The following HEATR3 variants were observed in gnomAD, a reference collection of about 807,000 sequenced individuals.
HEATR3 encodes the protein HEAT repeat-containing protein 3.
In HEATR3, 56 loss-of-function variants were observed where a neutral mutation model predicts 72.8. The ratio of observed to expected loss-of-function variants is 0.77; its 90% CI spans 0.62 to 0.96. The LOEUF (loss-of-function observed/expected upper bound fraction) is 0.96. Among genes scored for constraint, HEATR3 ranks in the 40% least tolerant of loss-of-function variants. The pLI, the probability that HEATR3 is intolerant of heterozygous loss-of-function variation, is 0.00. For missense variants in HEATR3, 747 were observed against 831.4 expected (o/e 0.90, Z 1.25); for synonymous variants, 331 against 318.1 (o/e 1.04, Z -0.43).
intron 4 of HEATR3, among the ~76,000 whole-genome samples, chr16:50,072,404 A>G (rs2150597613): frequency 6.6e-6 from 1 of 152,366 alleles, no homozygotes; most frequent in East Asian, 1.9e-4. Context: ...TCCCATTGTG[A>G]TAGAAATAAA....
chr16:50,073,414 C>G (rs2036655825), intron 5 of HEATR3: 2 of 152,166 alleles, frequency 1.3e-5, no homozygotes, highest in Admixed American at 1.3e-4. Context: ...CCAGCTGTCC[C>G]TTTGTGGAAC....
At chr16:50,068,894 G>T in intron 3 of HEATR3, 27 bp downstream of exon 3, 4 of 1,548,648 alleles carry the variant, frequency 2.6e-6, no homozygotes, top group Non-Finnish European at 3.6e-6. Context: ...GTATCTTGAT[G>T]GTAGCTTTTG....
At chr16:50,087,185 T>C in intron 11 of HEATR3, among the ~76,000 whole-genome samples, 1 of 152,054 alleles carries the variant, frequency 6.6e-6, no homozygotes, top group African/African-American at 2.4e-5. Flanking sequence ...TGCGTGCGTG[T>C]GTGTAAGGCA....
intron 4 of HEATR3, among the ~76,000 whole-genome samples, chr16:50,071,045 G>C (rs565757589): frequency 1.3e-5 from 2 of 152,298 alleles, no homozygotes; most frequent in Non-Finnish European, 2.9e-5. Context: ...GGAAGTAGAT[G>C]CCTAAGAAGA....
At chr16:50,104,491 A>G (rs1837554123) in intron 14 of HEATR3, among the ~76,000 whole-genome samples, 1 of 152,162 alleles carries the variant, frequency 6.6e-6, no homozygotes, top group African/African-American at 2.4e-5. Flanking sequence ...CGGCCTCCCA[A>G]ACTGCTGGGA....
At chr16:50,090,230 T>C (rs553102878) in intron 11 of HEATR3, among the ~76,000 whole-genome samples, 1 of 152,064 alleles carries the variant, frequency 6.6e-6, no homozygotes, top group African/African-American at 2.4e-5. Context: ...GGTATCTTGC[T>C]TGCGCCTGTG....
intron 7 of HEATR3, 70 bp from the exon 8 acceptor site, chr16:50,083,867 A>G (rs927362032): frequency 7.1e-7 from 1 of 1,410,734 alleles, no homozygotes; most frequent in East Asian, 2.3e-5. Context: ...GGCTTTCACT[A>G]AGGAAATTCC....
intron 13 of HEATR3, 108 bp from the exon 14 acceptor site, chr16:50,102,151 C>G (rs954683406): frequency 3.6e-6 from 3 of 843,682 alleles, no homozygotes; most frequent in Non-Finnish European, 5.5e-6. Flanking sequence ...TAATTTTTCC[C>G]TGGCATTTGT....
intron 14 of HEATR3, among the ~76,000 whole-genome samples, chr16:50,103,461 A>G (rs915911038): frequency 6.6e-6 from 1 of 152,338 alleles, no homozygotes; most frequent in African/African-American, 2.4e-5. Context: ...TTAGCTGCAA[A>G]ATGCATTTAT....
intron 12 of HEATR3, among the ~76,000 whole-genome samples, chr16:50,096,437 C>T (rs1170287711): frequency 6.6e-6 from 1 of 151,204 alleles, no homozygotes; most frequent in African/African-American, 2.4e-5. Flanking sequence ...ATATTTTGGT[C>T]TCTTATTATC....
Position 50,104,941 on chromosome 16 carries a change from A to T in HEATR3, c.1923A>T (p.Ile641=), listed in dbSNP as rs148277103. The change falls in exon 15 of 15, where the codon ATA becomes ATT. Residue 641 remains isoleucine (I), a splice_region_variant and synonymous_variant. Transcript: ENST00000299192. ...KEFQPVFKMK[I]RKEGRGNYST... ...GATTTTTTGTTTTTTGTTTGCAGATACGTAAAGAAGGGAGAGGTAACTATA... is the reference window on the plus strand; with the variant it reads ...GATTTTTTGTTTTTTGTTTGCAGATTCGTAAAGAAGGGAGAGGTAACTATA... 1,865 of 1,577,506 alleles carry T rather than the reference A, an allele frequency of 1.2e-3. 9 individuals are homozygous for T. Among genetic ancestry groups the T allele is most frequent in the Middle Eastern group, 9.1e-3 (54 of 5,962 alleles).
intron 2 of HEATR3, among the ~76,000 whole-genome samples, chr16:50,068,062 C>T (rs1382555113): frequency 1.3e-5 from 2 of 152,226 alleles, no homozygotes; most frequent in Middle Eastern, 6.8e-3. Flanking sequence ...GGGGGATAGA[C>T]GCTCTTCTTC....
At position 50,084,553 on chromosome 16, in the gene HEATR3, C is replaced by T; in HGVS notation, c.1291-16C>T. On this transcript the variant is annotated splice_polypyrimidine_tract_variant and intron_variant, in intron 9 of 14. Coordinates refer to ENST00000299192, the MANE Select transcript of HEATR3 (RefSeq NM_182922.4). ...CTACTCTTTAACCTTTGCTTTACTG[C>T]CTCTTTTAAATCTAGATTTTTGAGA... The T allele has an allele frequency of 6.3e-7, 1 of 1,576,392 alleles. No individual in the cohort carries two copies.
chr16:50,090,710 C>T (rs1057271848), intron 11 of HEATR3, among the ~76,000 whole-genome samples: 2 of 152,284 alleles, frequency 1.3e-5, no homozygotes, highest in South Asian at 4.1e-4. Context: ...TCATTCGGCT[C>T]TATTACATGA....
At chr16:50,081,406 C>G (rs1010376145) in intron 7 of HEATR3, among the ~76,000 whole-genome samples, 1 of 152,152 alleles carries the variant, frequency 6.6e-6, no homozygotes, top group African/African-American at 2.4e-5. Flanking sequence ...GATCGCGCCA[C>G]TGCACTCCAG....
chr16:50,066,311 T>G (rs771929279), intron 1 of HEATR3, 42 bp downstream of exon 1: 14 of 1,569,986 alleles, frequency 8.9e-6, no homozygotes, highest in African/African-American at 1.4e-5. Context: ...GAGACGAGGT[T>G]GCCCCGCGCG....
chr16:50,072,901 A>C (rs1597140496), intron 5 of HEATR3, 187 bp downstream of exon 5: 3 of 521,044 alleles, frequency 5.8e-6, no homozygotes, highest in South Asian at 2.4e-5. Context: ...CTACTCATTC[A>C]GTTTTTCTGC....
At position 50,106,002 on chromosome 16, in the gene HEATR3, C is replaced by G. The variant is rs2037480643; in HGVS notation, c.*941C>G. 6.6e-6 allele frequency: 1 copy of G among 152,196 alleles called. No individual in the cohort carries two copies. Among genetic ancestry groups the G allele is most frequent in the African/African-American group, 2.4e-5 (1 of 41,458 alleles). 9.4% of individuals were successfully genotyped at this position (152,196 alleles called of 1,614,324 possible). On this transcript the variant is annotated 3_prime_UTR_variant, in exon 15 of 15. Coordinates refer to ENST00000299192, the MANE Select transcript of HEATR3 (RefSeq NM_182922.4). ...AAGTGCGAAGGAATCTCAGGTAGCTCTTAACTAATTCGCCAGCAGTGAAGA... is the reference window on the plus strand; with the variant it reads ...AAGTGCGAAGGAATCTCAGGTAGCTGTTAACTAATTCGCCAGCAGTGAAGA...
chr16:50,104,331 C>T (rs560596448), intron 14 of HEATR3, among the ~76,000 whole-genome samples: 16 of 152,126 alleles, frequency 1.1e-4, no homozygotes, highest in African/African-American at 2.9e-4. Context: ...CTGGCCTGGG[C>T]GACAGAGAGA....
Sources: allele counts gnomAD v4.1 joint callset (sites outside exome capture counted in the v4.1 genomes callset), GRCh38; gene constraint gnomAD v4.1.1; transcripts MANE v1.5; gene names NCBI Gene and HGNC (gene_info 2026-07-23, HGNC 2026-07-21).